POLR1C: variants seen among roughly 807,000 people sequenced by gnomAD.
The protein encoded by POLR1C is RNA polymerase I and III subunit C, also known as DNA-directed RNA polymerases I and III subunit RPAC1.
A neutral mutation model predicts 38.3 loss-of-function variants in POLR1C; 42 were observed. The ratio of observed to expected loss-of-function variants is 1.10; its 90% confidence interval spans 0.86 to 1.42. The LOEUF (loss-of-function observed/expected upper bound fraction) is 1.42. Ranked by LOEUF, POLR1C falls within the 40% of genes most tolerant of loss-of-function variation. The pLI is 0.00. For synonymous variants in POLR1C, 163 were observed against 163.9 expected, an observed-to-expected ratio of 0.99 and a Z score of 0.04; for missense variants, 507 against 450.5, an observed-to-expected ratio of 1.13 and a Z score of -1.14.
intron 9 of POLR1C, among the ~76,000 whole-genome samples, chr6:43,536,481 AGAT>A (rs1794331705): frequency 6.6e-6 from 1 of 151,636 alleles, no homozygotes; most frequent in African/African-American, 2.4e-5. Flanking sequence ...TACTTTGGCC[AGAT>A]GCGGTGGCTT....
intron 10 of POLR1C, chr6:43,556,125 A>C: frequency 1.1e-6 from 1 of 947,748 alleles, no homozygotes; most frequent in Non-Finnish European, 1.5e-6. Context: ...AACTTTATTA[A>C]CGAATCCAGA....
chr6:43,544,046 T>C (rs1262370466), intron 9 of POLR1C: 2 of 152,604 alleles, frequency 1.3e-5, no homozygotes, highest in Non-Finnish European at 2.9e-5. Context: ...ATCTACTCTA[T>C]CATTACATGC....
intron 10 of POLR1C, chr6:43,558,806 G>A: frequency 4.5e-6 from 2 of 443,720 alleles, no homozygotes; most frequent in Non-Finnish European, 7.9e-6. Flanking sequence ...ACTTTTAGTT[G>A]ATACCATCCT....
chr6:43,551,648 C>T (rs1033766170), intron 10 of POLR1C, among the ~76,000 whole-genome samples: 1 of 152,200 alleles, frequency 6.6e-6, no homozygotes, highest in African/African-American at 2.4e-5. Context: ...CCTTAGCCTC[C>T]TGAGTAGCTA....
downstream of POLR1C, chr6:43,531,380 CGCCTT>C: frequency 9.2e-7 from 1 of 1,089,584 alleles, no homozygotes; most frequent in African/African-American, 1.6e-5. Flanking sequence ...ACTCTTGCCT[CGCCTT>C]ACCTGTACAC....
chr6:43,533,298 T>G (rs1418397664), downstream of POLR1C: 1 of 148,340 alleles, frequency 6.7e-6, no homozygotes, highest in Non-Finnish European at 1.5e-5. Flanking sequence ...ATCCTTCAGG[T>G]TAAAGGCCAT....
intron 9 of POLR1C, among the ~76,000 whole-genome samples, chr6:43,534,717 G>A (rs1794207171): frequency 6.6e-6 from 1 of 152,172 alleles, no homozygotes; most frequent in Non-Finnish European, 1.5e-5. Context: ...GTCATTCTAG[G>A]CTGGGCTCGG....
At chr6:43,553,103 C>T (rs1795329744) in intron 10 of POLR1C, among the ~76,000 whole-genome samples, 1 of 152,106 alleles carries the variant, frequency 6.6e-6, no homozygotes, top group Non-Finnish European at 1.5e-5. Context: ...CGCTTGAGGC[C>T]AGGAGTTTGA....
At chr6:43,539,799 T>A (rs916508516) in intron 9 of POLR1C, 3 of 552,938 alleles carry the variant, frequency 5.4e-6, no homozygotes, top group Non-Finnish European at 9.5e-6. Flanking sequence ...CTGGGAGAAC[T>A]CCCATGTAAA....
chr6:43,526,489 A>G, downstream of POLR1C: 1 of 608,738 alleles, frequency 1.6e-6, no homozygotes. Context: ...ATCATCTGAG[A>G]CAGAGGAAAC....
At position 43,520,092 on chromosome 6, in the gene POLR1C, AC is replaced by A; in HGVS notation, c.410del (p.Thr137IlefsTer28). On this transcript the variant is annotated frameshift_variant, in exon 5 of 9. Transcript: ENST00000642195. LOFTEE classifies it high-confidence loss of function. The stretch of plus-strand genomic sequence containing the variant: ...AGATGAAGAAGGCACAGAGATAGAT[AC>A]TCTACAGTTTCGTCTCCAGGTCAGA... ...QGDEEGTEIDTLQFRLQVRCT... is the reference protein window; with the variant it reads ...QGDEEGTEIDXLQFRLQVRCT... The A allele has an allele frequency of 1.2e-6, 2 of 1,614,084 alleles. No individual in the cohort carries two copies. Among genetic ancestry groups the A allele is most frequent in the Non-Finnish European group, 1.7e-6 (2 of 1,180,016 alleles).
intron 10 of POLR1C, chr6:43,561,387 T>TTTTC (rs1561883112): frequency 6.0e-6 from 1 of 166,050 alleles, no homozygotes; most frequent in African/African-American, 2.4e-5. Context: ...CTTTTCTTTT[T>TTTTC]TTTTTCTTTT....
At chr6:43,526,495 G>A (rs926316295), downstream of POLR1C, 2 of 618,258 alleles carry the variant, frequency 3.2e-6, no homozygotes, top group Non-Finnish European at 5.8e-6. Context: ...TGAGACAGAG[G>A]AAACAGCAAG....
Position 43,558,272 on chromosome 6 carries a change from C to G in POLR1C, c.*49-3128C>G, listed in dbSNP as rs527811000. Among the ~76,000 whole-genome samples, 16 of 152,178 alleles carry G rather than the reference C, an allele frequency of 1.1e-4. No individual in the cohort carries two copies. The South Asian group carries it at 3.3e-3, about 32-fold the overall frequency. ...AGCGTCTTAAGTATGGTTACCATCCCTAAACATCAATGTCTAAGTGCTGTG... is the reference window on the plus strand; with the variant it reads ...AGCGTCTTAAGTATGGTTACCATCCGTAAACATCAATGTCTAAGTGCTGTG... On this transcript the variant is annotated intron_variant, in intron 10 of 10. Transcript: ENST00000607635.
chr6:43,527,853 A>C (rs959888829), intron 8 of POLR1C: 2 of 1,023,980 alleles, frequency 2.0e-6, no homozygotes, highest in Non-Finnish European at 2.9e-6. Context: ...GTTTTATGCA[A>C]AAGTTGGGAA....
At chr6:43,555,993 C>T (rs1342865565) in intron 10 of POLR1C, 1 of 1,611,844 alleles carries the variant, frequency 6.2e-7, no homozygotes, top group East Asian at 2.2e-5. Context: ...AAGGGAAGGA[C>T]AGGAATCAAT....
intron 9 of POLR1C, among the ~76,000 whole-genome samples, chr6:43,546,106 G>A (rs1356703908): frequency 6.6e-6 from 1 of 152,090 alleles, no homozygotes; most frequent in Non-Finnish European, 1.5e-5. Context: ...TAATTCCTTT[G>A]TTTAGCATGT....
At chr6:43,547,990 T>C (rs1446072034) in intron 9 of POLR1C, among the ~76,000 whole-genome samples, 3 of 152,338 alleles carry the variant, frequency 2.0e-5, no homozygotes, top group African/African-American at 7.2e-5. Flanking sequence ...GTCTGTGTGG[T>C]TGTATGGCCC....
At chr6:43,555,873 A>G in intron 10 of POLR1C, 1 of 1,614,000 alleles carries the variant, frequency 6.2e-7, no homozygotes, top group Non-Finnish European at 8.5e-7. Flanking sequence ...TTGATAGTTG[A>G]TACTTTAGCC....
Sources: gnomAD v4.1 joint callset for allele counts (sites outside exome capture counted in the v4.1 genomes callset) on GRCh38, gnomAD v4.1.1 for gene constraint, MANE v1.5 for transcripts, NCBI Gene and HGNC (gene_info 2026-07-23, HGNC 2026-07-21) for gene names.